ABCG8: variants seen among roughly 807,000 people sequenced by gnomAD.
ABCG8 encodes ATP-binding cassette sub-family G member 8.
A neutral mutation model predicts 71.3 loss-of-function variants in ABCG8; 81 were observed. The observed-to-expected ratio is 1.14, with a 90% confidence interval of 0.95 to 1.37. ABCG8 has a LOEUF of 1.37. ABCG8 is among the 40% of genes most tolerant of loss of function. The pLI is 0.00. For synonymous variants in ABCG8, 451 were observed against 354.7 expected (o/e 1.27, Z -3.05); for missense variants, 1,119 against 866.2 (o/e 1.29, Z -3.66).
chr2:43,850,964 T>C (rs1420054655), intron 3 of ABCG8, among the ~76,000 whole-genome samples: 1 of 150,506 alleles, frequency 6.6e-6, no homozygotes, highest in Non-Finnish European at 1.5e-5. Context: ...AGAAGAGAGA[T>C]GGGTGTAGAT....
Position 43,846,143 on chromosome 2 carries a change from A to G in ABCG8, c.166-12A>G, listed in dbSNP as rs1668735452. Reference sequence around the variant, plus strand: ...TCAGCTCTCTAAGGAACCTTCTGATATCTCCCCACAGGTGGACCTGGCCTC... The same window carrying G: ...TCAGCTCTCTAAGGAACCTTCTGATGTCTCCCCACAGGTGGACCTGGCCTC... On this transcript the variant is annotated splice_polypyrimidine_tract_variant and intron_variant, in intron 2 of 12. Coordinates refer to ENST00000272286, the MANE Select transcript of ABCG8 (RefSeq NM_022437.3). 1.2e-6 allele frequency: 2 copies of G among 1,612,570 alleles called. No individual in the cohort carries two copies. The highest frequency in any genetic ancestry group is 2.7e-5 in the African/African-American group (2 of 74,862).
At position 43,839,403 on chromosome 2, in the gene ABCG8, C is replaced by CTTTTTTTTTTTTTTT. The variant is rs537784677; in HGVS notation, c.63+314_63+328dup. The stretch of plus-strand genomic sequence containing the variant: ...CACTTTTTCTTTTTTCTTTTCTTCT[C>CTTTTTTTTTTTTTTT]TTTTTTTTTTTTTTTTTTTTTTTTT... On this transcript the variant is annotated intron_variant, in intron 1 of 12. Coordinates refer to ENST00000272286, the MANE Select transcript of ABCG8 (RefSeq NM_022437.3). Among the ~76,000 whole-genome samples, 13 of 59,296 alleles carry CTTTTTTTTTTTTTTT rather than the reference C, an allele frequency of 2.2e-4. 4 individuals carry two copies. The highest frequency in any genetic ancestry group is 2.6e-4 in the Non-Finnish European group (8 of 31,222). 38.9% of individuals were successfully genotyped at this position (59,296 alleles called of 152,430 possible). A position where few individuals can be genotyped will look rare whatever the true frequency, so the allele number is the denominator to read the frequency against.
rs549038551 is a variant in ABCG8, at chr2:43,861,148, C to T, written c.964+8280C>T. On this transcript the variant is annotated intron_variant, in intron 6 of 12. Transcript: ENST00000272286. ...TAGAATTCTCACTGTCTACATAGAG[C>T]TCTCGCTATCTGTCTGGATAGAATT... is the stretch of plus-strand genomic sequence containing the variant. Among the ~76,000 whole-genome samples the T allele has an allele frequency of 1.4e-4, 21 of 151,204 alleles. No homozygotes were observed. In the South Asian group the frequency reaches 4.0e-3, roughly 29 times the overall value.
intron 6 of ABCG8, among the ~76,000 whole-genome samples, chr2:43,857,806 C>T (rs926609079): frequency 4.6e-5 from 7 of 151,674 alleles, no homozygotes; most frequent in Non-Finnish European, 1.0e-4. Flanking sequence ...GTCGTTAGAA[C>T]TCTCACTACC....
At chr2:43,854,938 C>G (rs1669050234) in intron 6 of ABCG8, among the ~76,000 whole-genome samples, 1 of 152,182 alleles carries the variant, frequency 6.6e-6, no homozygotes, top group Non-Finnish European at 1.5e-5. Flanking sequence ...CAGATTGGGT[C>G]TACAGCCAAG....
At chr2:43,859,393 C>A (rs1669224954) in intron 6 of ABCG8, among the ~76,000 whole-genome samples, 1 of 151,436 alleles carries the variant, frequency 6.6e-6, no homozygotes, top group Non-Finnish European at 1.5e-5. Context: ...GGATAGCGCT[C>A]TTACTATCTG....
At chr2:43,854,597 A>G (rs1158020601) in intron 6 of ABCG8, among the ~76,000 whole-genome samples, 2 of 138,844 alleles carry the variant, frequency 1.4e-5, no homozygotes, top group Non-Finnish European at 3.0e-5. Context: ...ACTGCACCCC[A>G]GTCTGGGCGA....
intron 6 of ABCG8, among the ~76,000 whole-genome samples, chr2:43,857,351 A>C (rs61710790): frequency 0.055 from 8,170 of 149,842 alleles, 267 homozygotes; most frequent in Middle Eastern, 0.12. Context: ...ACTCTCTCGT[A>C]TTCCTCGATA....
chr2:43,839,505 C>T (rs1668493839), intron 1 of ABCG8, among the ~76,000 whole-genome samples: 1 of 130,572 alleles, frequency 7.7e-6, no homozygotes, highest in African/African-American at 2.9e-5. Context: ...CGGCTCACTG[C>T]AAGCTCTGCC....
chr2:43,844,476 A>T (rs376056866), intron 1 of ABCG8, 31 bp from the exon 2 acceptor site: 5 of 1,562,626 alleles, frequency 3.2e-6, no homozygotes, highest in African/African-American at 1.4e-5. Flanking sequence ...CAGCTTCTAA[A>T]GGAGCCCCTC....
intron 1 of ABCG8, among the ~76,000 whole-genome samples, chr2:43,844,278 G>A (rs898812965): frequency 5.9e-5 from 9 of 152,236 alleles, no homozygotes; most frequent in Non-Finnish European, 7.4e-5. Flanking sequence ...AAGGTGCCCC[G>A]GGAGAAGCCC....
chr2:43,848,329 T>A, intron 3 of ABCG8: 1 of 152,116 alleles, frequency 6.6e-6, no homozygotes, highest in African/African-American at 2.4e-5. Context: ...TACAGTTGGG[T>A]GTTCACCTTA....
In ABCG8 at chr2:43,880,912, C is replaced by T. The variant is rs1670113514; in HGVS notation, c.*2999C>T. 1 of 152,302 alleles carries T rather than the reference C, an allele frequency of 6.6e-6. No homozygotes were observed. The highest frequency in any genetic ancestry group is 2.4e-5 in the African/African-American group (1 of 41,468). The allele number at this position is 152,302 out of a possible 1,614,324, so 9.4% of individuals were successfully genotyped here. On this transcript the variant is annotated 3_prime_UTR_variant, in exon 13 of 13. Transcript: ENST00000272286. The stretch of plus-strand genomic sequence containing the variant: ...GGACGTCCTGCCTACCCTGCTCAGG[C>T]TCTAACTCCCAAGTCCAGCTTTCCC...
intron 3 of ABCG8, chr2:43,846,986 GCGTGCACACA>G (rs960463115): frequency 1.4e-4 from 13 of 92,288 alleles, no homozygotes; most frequent in Admixed American, 8.9e-4. Context: ...CTGCACGCGC[GCGTGCACACA>G]CACACACACA....
Position 43,872,247 on chromosome 2 carries a change from C to A in ABCG8, c.1152C>A (p.Asn384Lys), listed in dbSNP as rs1426658542. ...VESSVTPLDT[N>K]CLPSPTKMPG... The stretch of plus-strand genomic sequence containing the variant: ...GCAGCGTGACCCCACTAGACACCAA[C>A]TGCCTCCCGAGTCCTACGAAGATGC... The change falls in exon 8 of 13, where the codon AAC (asparagine) becomes AAA (lysine). Residue 384 changes from asparagine to lysine, a missense_variant. Coordinates refer to ENST00000272286, the MANE Select transcript of ABCG8 (RefSeq NM_022437.3). The A allele has an allele frequency of 2.4e-5, 39 of 1,614,030 alleles. No homozygotes were observed. Among genetic ancestry groups the A allele is most frequent in the Non-Finnish European group, 3.2e-5 (38 of 1,180,042 alleles).
intron 1 of ABCG8, 127 bp downstream of exon 1, chr2:43,839,243 C>T (rs901388714): frequency 1.8e-5 from 19 of 1,046,090 alleles, no homozygotes; most frequent in South Asian, 7.2e-5. Flanking sequence ...AGGACATGGC[C>T]GCAGGACTGT....
At position 43,839,052 on chromosome 2, in the gene ABCG8, C is replaced by T; in HGVS notation, c.-2C>T. ...GCCCAGGGTCACAGACCTGTGGGCC[C>T]CATGGCCGGGAAGGCGGCAGAGGAG... On this transcript the variant is annotated 5_prime_UTR_variant, in exon 1 of 13. Transcript: ENST00000272286. 2 of 1,550,972 alleles carry T rather than the reference C, an allele frequency of 1.3e-6. No homozygotes were observed. Among genetic ancestry groups the T allele is most frequent in the East Asian group, 2.4e-5 (1 of 40,898 alleles).
intron 11 of ABCG8, 67 bp from the exon 12 acceptor site, chr2:43,877,494 A>G: frequency 6.2e-7 from 1 of 1,609,996 alleles, no homozygotes; most frequent in Non-Finnish European, 8.5e-7. Flanking sequence ...GGGGGAGACC[A>G]TGCGAATATG....
intron 8 of ABCG8, among the ~76,000 whole-genome samples, chr2:43,873,060 T>C (rs2104946272): frequency 6.6e-6 from 1 of 152,292 alleles, no homozygotes; most frequent in South Asian, 2.1e-4. Context: ...TCCCGTCTGA[T>C]TGGGTCTTCC....
Sources: allele counts gnomAD v4.1 joint callset (sites outside exome capture counted in the v4.1 genomes callset), GRCh38; gene constraint gnomAD v4.1.1; transcripts MANE v1.5; gene names NCBI Gene and HGNC (gene_info 2026-07-23, HGNC 2026-07-21).